Variants in CHRNA3 observed in about 807,000 individuals in gnomAD.
CHRNA3 encodes the protein cholinergic receptor nicotinic alpha 3 subunit, also known as neuronal acetylcholine receptor subunit alpha-3.
In CHRNA3, 34 loss-of-function variants were observed where a neutral mutation model predicts 41.9. The ratio of observed to expected loss-of-function variants is 0.81; its 90% confidence interval spans 0.62 to 1.08. CHRNA3 has a LOEUF of 1.08. CHRNA3 is among the 50% of genes least tolerant of loss of function. The probability of loss-of-function intolerance (pLI) is 0.00; values close to 1 mark genes in which losing one functional copy is unlikely to be tolerated. For synonymous variants in CHRNA3, 281 were observed against 265.2 expected (o/e 1.06, Z -0.58); for missense variants, 542 against 638.3 (o/e 0.85, Z 1.63).
chr15:78,620,338 G>A (rs2053529934), intron 1 of CHRNA3: 1 of 248,416 alleles, frequency 4.0e-6, no homozygotes, highest in South Asian at 6.9e-5. Context: ...GGTGGAGCGG[G>A]AGGCTTGGGC....
At chr15:78,610,564 G>A (rs77602364) in intron 4 of CHRNA3, among the ~76,000 whole-genome samples, 63,669 of 150,370 alleles carry the variant, frequency 0.42, 13,933 homozygotes, top group African/African-American at 0.54. Context: ...TCTCTGGGAC[G>A]CATTCAAAGC....
At chr15:78,593,151 T>A (rs144352852), downstream of CHRNA3, 34 of 1,613,402 alleles carry the variant, frequency 2.1e-5, no homozygotes, top group African/African-American at 4.0e-5. Flanking sequence ...TGTGGACTTT[T>A]CTTTTCGTTT....
chr15:78,608,113 G>C (rs550814066), intron 4 of CHRNA3, among the ~76,000 whole-genome samples: 4 of 152,352 alleles, frequency 2.6e-5, no homozygotes, highest in Non-Finnish European at 5.9e-5. Flanking sequence ...AAGGAGGCCT[G>C]CCTGCCTCTA....
intron 4 of CHRNA3, among the ~76,000 whole-genome samples, chr15:78,604,555 C>T (rs2053253902): frequency 6.6e-6 from 1 of 152,166 alleles, no homozygotes. Context: ...GGGGTGTGTC[C>T]ACCCAGATCA....
At chr15:78,598,754 T>G (rs891902428) in intron 5 of CHRNA3, among the ~76,000 whole-genome samples, 6 of 152,116 alleles carry the variant, frequency 3.9e-5, no homozygotes, top group Admixed American at 1.3e-4. Context: ...CAGGCTGGTC[T>G]CAAACTCCTG....
chr15:78,620,971 G>A lies in CHRNA3; in HGVS notation c.-177C>T. 1.2e-6 allele frequency: 1 copy of A among 863,700 alleles called. No homozygotes were observed. Among genetic ancestry groups the A allele is most frequent in the African/African-American group, 1.8e-5 (1 of 56,158 alleles). 53.5% of individuals were successfully genotyped at this position (863,700 alleles called of 1,614,324 possible). A position where few individuals can be genotyped will look rare whatever the true frequency, so the allele number is the denominator to read the frequency against. On this transcript the variant is annotated 5_prime_UTR_variant, in exon 1 of 6. Transcript: ENST00000326828. Reference sequence around the variant, plus strand: ...CTGGGTTTCCAGCGCCCTCGGACCCGCGGGAGGACAGGAACCATCCGGAGT... The same window carrying A: ...CTGGGTTTCCAGCGCCCTCGGACCCACGGGAGGACAGGAACCATCCGGAGT...
chr15:78,601,766 C>T lies in CHRNA3; in HGVS notation c.876G>A (p.Glu292=), dbSNP rs79105837. The T allele has an allele frequency of 2.6e-5, 42 of 1,613,980 alleles. No homozygotes were observed. Among genetic ancestry groups the T allele is most frequent in the Non-Finnish European group, 3.6e-5 (42 of 1,180,046 alleles). ...SLTVFLLVIT[E]TIPSTSLVIP... ...TGACCAGCGAGGTGGAAGGGATGGT[C>T]TCAGTGATCACCAGGAGAAACACCG... The change falls in exon 5 of 6, where the codon GAG becomes GAA. Residue 292 remains glutamate (E), a synonymous_variant. Transcript: ENST00000326828.
chr15:78,617,167 G>T, intron 3 of CHRNA3, 34 bp from the exon 4 acceptor site: 5 of 1,449,038 alleles, frequency 3.5e-6, no homozygotes, highest in Non-Finnish European at 3.9e-6. Context: ...AGAAGGAGAC[G>T]GTAAAAGAAT....
chr15:78,617,122 G>C lies in CHRNA3; in HGVS notation c.279C>G (p.Asp93Glu), dbSNP rs201124658. Residue 93 changes from aspartate to glutamate, a missense_variant, in exon 4 of 6, where the codon GAC (aspartate) becomes GAG (glutamate). Coordinates refer to ENST00000326828, the MANE Select transcript of CHRNA3 (RefSeq NM_000743.5). Reference protein sequence around the residue: ...TNLWLKQIWNDYKLKWNPSDY... With the variant: ...TNLWLKQIWNEYKLKWNPSDY... ...CAGAGGGGTTCCATTTCAGCTTGTA[G>C]TCATTCCAGATCTCGGGGAAGGAAG... The C allele has an allele frequency of 1.3e-5, 21 of 1,610,386 alleles. No individual in the cohort carries two copies. Among genetic ancestry groups the C allele is most frequent in the Middle Eastern group, 1.6e-4 (1 of 6,078 alleles).
Position 78,620,400 on chromosome 15 carries a change from C to T in CHRNA3, c.82+313G>A, listed in dbSNP as rs181727184. On this transcript the variant is annotated intron_variant, in intron 1 of 5. Transcript: ENST00000326828. ...GGCAGGGCGACGGGCAGCGCGGGGACGCGAATCCCCAACTCCTGCGCCCAA... is the reference window on the plus strand; with the variant it reads ...GGCAGGGCGACGGGCAGCGCGGGGATGCGAATCCCCAACTCCTGCGCCCAA... 28 of 225,552 alleles carry T rather than the reference C, an allele frequency of 1.2e-4. No individual in the cohort carries two copies. The East Asian group carries it at 1.4e-3, about 11-fold the overall frequency. 14.0% of individuals were successfully genotyped at this position (225,552 alleles called of 1,614,324 possible).
intron 5 of CHRNA3, among the ~76,000 whole-genome samples, chr15:78,599,014 T>G (rs982013195): frequency 6.6e-6 from 1 of 151,072 alleles, no homozygotes; most frequent in African/African-American, 2.4e-5. Flanking sequence ...ATTTATTGTA[T>G]TTTTAGTAGA....
chr15:78,608,956 G>A lies in CHRNA3; in HGVS notation c.378-6692C>T, dbSNP rs376865813. Among the ~76,000 whole-genome samples the A allele has an allele frequency of 7.9e-5, 12 of 152,332 alleles. No individual in the cohort carries two copies. In the East Asian group the frequency reaches 1.9e-3, roughly 24 times the overall value. Reference sequence around the variant, plus strand: ...GAATGCAGAAGCCTCAGGAGCCGATGCAATCAACTGGAAGAAAGGGTATCA... The same window carrying A: ...GAATGCAGAAGCCTCAGGAGCCGATACAATCAACTGGAAGAAAGGGTATCA... On this transcript the variant is annotated intron_variant, in intron 4 of 5. Coordinates refer to ENST00000326828, the MANE Select transcript of CHRNA3 (RefSeq NM_000743.5).
At chr15:78,602,289 G>A (rs1567078050) in intron 4 of CHRNA3, 25 bp from the exon 5 acceptor site, 2 of 1,602,616 alleles carry the variant, frequency 1.2e-6, no homozygotes, top group Non-Finnish European at 8.5e-7. Context: ...AGGGGGCACA[G>A]TGACACACGG....
At chr15:78,610,880 A>T (rs1161557366) in intron 4 of CHRNA3, among the ~76,000 whole-genome samples, 1 of 152,262 alleles carries the variant, frequency 6.6e-6, no homozygotes, top group Non-Finnish European at 1.5e-5. Flanking sequence ...AAAAATTGAT[A>T]AAGGGGATAT....
intron 5 of CHRNA3, among the ~76,000 whole-genome samples, chr15:78,598,301 C>T (rs576955898): frequency 5.2e-4 from 79 of 152,216 alleles, no homozygotes; most frequent in African/African-American, 1.7e-3. Flanking sequence ...TATAAAATGA[C>T]CCTTACTCAA....
rs1432375358 is a variant in CHRNA3 at position 78,595,473 on chromosome 15, AATTTTGCTCCTAAGGGAAC to A, written c.*1112_*1130del. The A allele has an allele frequency of 2.1e-6, 2 of 946,804 alleles. No homozygotes were observed. The highest frequency in any genetic ancestry group is 3.5e-5 in the African/African-American group (2 of 56,486). 58.7% of individuals were successfully genotyped at this position (946,804 alleles called of 1,614,324 possible). A position where few individuals can be genotyped will look rare whatever the true frequency, so the allele number is the denominator to read the frequency against. ...AAAGCAATGTTTCTCAACCAGGGGC[AATTTTGCTCCTAAGGGAAC>A]ATTTAACAATGGAGACATTCTTGGT... On this transcript the variant is annotated 3_prime_UTR_variant, in exon 6 of 6. Transcript: ENST00000326828.
chr15:78,616,245 T>C (rs984408277), intron 4 of CHRNA3, among the ~76,000 whole-genome samples: 7 of 151,508 alleles, frequency 4.6e-5, no homozygotes, highest in African/African-American at 1.7e-4. Context: ...CCCAGCTACT[T>C]GGGAGGCTGA....
chr15:78,595,081 G>T, downstream of CHRNA3: 1 of 154,378 alleles, frequency 6.5e-6, no homozygotes, highest in Non-Finnish European at 1.4e-5. Context: ...TCTTTGGAAG[G>T]CGGAGGAGAC....
At chr15:78,610,495 T>A (rs921334942) in intron 4 of CHRNA3, among the ~76,000 whole-genome samples, 5 of 152,004 alleles carry the variant, frequency 3.3e-5, no homozygotes, top group Non-Finnish European at 5.9e-5. Flanking sequence ...TAACGAAAGG[T>A]AGGCAGAAAT....
Sources: allele counts gnomAD v4.1 joint callset (sites outside exome capture counted in the v4.1 genomes callset), GRCh38; gene constraint gnomAD v4.1.1; transcripts MANE v1.5; gene names NCBI Gene and HGNC (gene_info 2026-07-23, HGNC 2026-07-21).